The following TADA1 variants were observed in gnomAD, a reference collection of about 807,000 sequenced individuals.
TADA1 encodes transcriptional adapter 1.
TADA1 carries 23 observed loss-of-function variants against 39.3 expected under a neutral mutation model. The ratio of observed to expected loss-of-function variants is 0.58; its 90% CI spans 0.42 to 0.83. The LOEUF (loss-of-function observed/expected upper bound fraction) is 0.83. TADA1 is among the 40% of genes least tolerant of loss of function. TADA1 has a pLI of 0.00. For synonymous variants in TADA1, 137 were observed against 151.8 expected (o/e 0.90, Z 0.72); for missense variants, 352 against 408.1 (o/e 0.86, Z 1.18).
rs781638956 is a variant in TADA1, at chr1:166,876,215, C to G, written c.19G>C (p.Glu7Gln). ...AAGTTCTTCTTGGCCGCCTCCAGCT[C>G]GCTCACAAAGGTCGCCATTGCTCCG... MATFVS[E>Q]LEAAKKNLSE... is the part of the protein sequence containing the mutation. The change falls in exon 1 of 8, where the codon GAG becomes CAG. Residue 7 changes from glutamate to glutamine, a missense_variant. By Grantham distance (29) the Glu-to-Gln change is conservative. Coordinates refer to ENST00000367874, the MANE Select transcript of TADA1 (RefSeq NM_053053.4). 2.5e-6 allele frequency: 4 copies of G among 1,613,672 alleles called. No homozygotes were observed. The highest frequency in any genetic ancestry group is 1.3e-5 in the African/African-American group (1 of 75,034).
chr1:166,866,651 C>T (rs1276963296), intron 3 of TADA1, among the ~76,000 whole-genome samples: 2 of 152,158 alleles, frequency 1.3e-5, no homozygotes, highest in Admixed American at 6.5e-5. Context: ...TAACTATTAA[C>T]AACCATTCAG....
chr1:166,872,481 GACCAATATGATGAA>G (rs1205808599), intron 1 of TADA1, among the ~76,000 whole-genome samples: 1 of 152,168 alleles, frequency 6.6e-6, no homozygotes, highest in Non-Finnish European at 1.5e-5. Flanking sequence ...AGACCAGCCT[GACCAATATGATGAA>G]ACCCTGTCTC....
intron 1 of TADA1, among the ~76,000 whole-genome samples, chr1:166,875,850 C>A (rs963971376): frequency 8.7e-4 from 132 of 152,360 alleles, no homozygotes; most frequent in African/African-American, 3.0e-3. Flanking sequence ...CACGCCCGCG[C>A]TGGGGCCCGC....
intron 4 of TADA1, chr1:166,862,636 T>C: frequency 3.5e-6 from 2 of 573,250 alleles, no homozygotes; most frequent in African/African-American, 1.9e-5. Context: ...GTAGTTTGCG[T>C]AGTAGTTTAT....
chr1:166,875,294 G>T (rs1658737459), intron 1 of TADA1, among the ~76,000 whole-genome samples: 1 of 152,114 alleles, frequency 6.6e-6, no homozygotes, highest in East Asian at 1.9e-4. Context: ...TTTGGCTTTG[G>T]CTTTGACTGG....
At chr1:166,858,456 A>C (rs930902454) in intron 6 of TADA1, among the ~76,000 whole-genome samples, 175 bp from the exon 7 acceptor site, 3 of 152,230 alleles carry the variant, frequency 2.0e-5, no homozygotes, top group East Asian at 1.9e-4. Flanking sequence ...GCTGGAAATA[A>C]AACATAATAC....
At chr1:166,867,124 G>A (rs1178718036) in intron 3 of TADA1, among the ~76,000 whole-genome samples, 3 of 152,046 alleles carry the variant, frequency 2.0e-5, no homozygotes, top group African/African-American at 7.2e-5. Flanking sequence ...AGATATTGCT[G>A]TACTTATTTT....
intron 3 of TADA1, among the ~76,000 whole-genome samples, chr1:166,865,245 CAA>C (rs1426795431): frequency 2.0e-5 from 3 of 151,916 alleles, no homozygotes; most frequent in African/African-American, 7.3e-5. Flanking sequence ...CAGAAAGGCC[CAA>C]AGAGTTCAGG....
intron 1 of TADA1, among the ~76,000 whole-genome samples, chr1:166,873,939 T>C (rs1472829547): frequency 3.3e-5 from 5 of 152,026 alleles, no homozygotes; most frequent in Admixed American, 2.6e-4. Flanking sequence ...TTAAAGGCAA[T>C]CATACACAAG....
At chr1:166,863,650 T>C (rs749105868) in intron 4 of TADA1, 174 bp downstream of exon 4, 2 of 619,292 alleles carry the variant, frequency 3.2e-6, no homozygotes, top group Admixed American at 3.3e-5. Flanking sequence ...ACAAGAACTA[T>C]AAAAATTCAG....
chr1:166,865,595 C>T (rs760222975), intron 3 of TADA1, among the ~76,000 whole-genome samples: 4 of 151,824 alleles, frequency 2.6e-5, no homozygotes, highest in Non-Finnish European at 4.4e-5. Flanking sequence ...GGGCAGATCA[C>T]GAGGTCAGGA....
chr1:166,857,280 C>G lies in TADA1; in HGVS notation c.*287G>C, dbSNP rs1658298494. ...GATGTCATCTATCTTACATGCAGACCACAGGACACTAAGCCTCAGGTACCT... is the reference window on the plus strand; with the variant it reads ...GATGTCATCTATCTTACATGCAGACGACAGGACACTAAGCCTCAGGTACCT... On this transcript the variant is annotated 3_prime_UTR_variant, in exon 8 of 8. Coordinates refer to ENST00000367874, the MANE Select transcript of TADA1 (RefSeq NM_053053.4). The G allele has an allele frequency of 2.8e-6, 1 of 362,972 alleles. No individual in the cohort carries two copies. Among genetic ancestry groups the G allele is most frequent in the African/African-American group, 2.1e-5 (1 of 48,040 alleles). The allele number at this position is 362,972 out of a possible 1,614,324, so 22.5% of individuals were successfully genotyped here.
At position 166,874,339 on chromosome 1, in the gene TADA1, C is replaced by CA. The variant is rs111691349; in HGVS notation, c.74+1820dup. On this transcript the variant is annotated intron_variant, in intron 1 of 7. Coordinates refer to ENST00000367874, the MANE Select transcript of TADA1 (RefSeq NM_053053.4). ...TGGACGACAGAGCAAGACTCCATCT[C>CA]AAAAAAAAAAAAGGTAAATTTTATC... Among the ~76,000 whole-genome samples, 1,025 of 123,674 alleles carry CA rather than the reference C, an allele frequency of 8.3e-3. 8 individuals carry two copies. Among genetic ancestry groups the CA allele is most frequent in the African/African-American group, 0.027 (935 of 34,290 alleles). 81.1% of individuals were successfully genotyped at this position (123,674 alleles called of 152,430 possible).
At chr1:166,874,803 T>C (rs990948064) in intron 1 of TADA1, among the ~76,000 whole-genome samples, 1 of 152,162 alleles carries the variant, frequency 6.6e-6, no homozygotes, top group Non-Finnish European at 1.5e-5. Flanking sequence ...GTGAAACATA[T>C]CTCTGGGCGT....
Position 166,857,556 on chromosome 1 carries a change from C to A in TADA1, c.*11G>T, listed in dbSNP as rs779943139. On this transcript the variant is annotated 3_prime_UTR_variant, in exon 8 of 8. Coordinates refer to ENST00000367874, the MANE Select transcript of TADA1 (RefSeq NM_053053.4). ...GAATTCGGTGAGGGTCCCACACCCTCAAATCCTAATTTAGCACAGCAAAAG... is the reference window on the plus strand; with the variant it reads ...GAATTCGGTGAGGGTCCCACACCCTAAAATCCTAATTTAGCACAGCAAAAG... 1.2e-6 allele frequency: 2 copies of A among 1,613,426 alleles called. No individual in the cohort carries two copies. Among genetic ancestry groups the A allele is most frequent in the Non-Finnish European group, 1.7e-6 (2 of 1,179,838 alleles).
intron 5 of TADA1, 111 bp from the exon 6 acceptor site, chr1:166,860,448 GT>G: frequency 9.5e-7 from 1 of 1,057,870 alleles, no homozygotes; most frequent in Non-Finnish European, 1.4e-6. Flanking sequence ...TGCAGAATAG[GT>G]TAGTATATGC....
chr1:166,865,657 C>CA (rs916877274), intron 3 of TADA1, among the ~76,000 whole-genome samples: 22 of 147,388 alleles, frequency 1.5e-4, no homozygotes, highest in African/African-American at 5.2e-4. Flanking sequence ...ACTAAAAATA[C>CA]AAAAAAAAAA....
At chr1:166,872,622 A>G (rs1188859824) in intron 1 of TADA1, among the ~76,000 whole-genome samples, 8 of 152,072 alleles carry the variant, frequency 5.3e-5, no homozygotes, top group Non-Finnish European at 1.2e-4. Context: ...CAGTGAGCCG[A>G]GATAGTGCCA....
At chr1:166,865,419 T>C (rs1658507090) in intron 3 of TADA1, among the ~76,000 whole-genome samples, 1 of 151,530 alleles carries the variant, frequency 6.6e-6, no homozygotes, top group Non-Finnish European at 1.5e-5. Context: ...GCTTTTATCA[T>C]AAAACCTTCT....
Sources: allele counts gnomAD v4.1 joint callset (sites outside exome capture counted in the v4.1 genomes callset), GRCh38; gene constraint gnomAD v4.1.1; transcripts MANE v1.5; gene names NCBI Gene and HGNC (gene_info 2026-07-23, HGNC 2026-07-21).